ADAMTSL3: variants seen among roughly 807,000 people sequenced by gnomAD.
ADAMTSL3 encodes ADAMTS-like protein 3.
In ADAMTSL3, 128 loss-of-function variants were observed where a neutral mutation model predicts 201.7. The ratio of observed to expected loss-of-function variants is 0.63; its 90% CI spans 0.55 to 0.73. The LOEUF is 0.73. Among genes scored for constraint, ADAMTSL3 ranks in the 30% least tolerant of loss-of-function variants. The pLI is 0.00. For synonymous variants in ADAMTSL3, 738 were observed against 748.4 expected, an observed-to-expected ratio of 0.99 and a Z score of 0.23; for missense variants, 1,990 against 2,119.6, an observed-to-expected ratio of 0.94 and a Z score of 1.20.
At chr15:83,880,794 A>G (rs182866254) in intron 9 of ADAMTSL3, among the ~76,000 whole-genome samples, 1 of 152,358 alleles carries the variant, frequency 6.6e-6, no homozygotes, top group East Asian at 1.9e-4. Flanking sequence ...CCTGCGGGGA[A>G]ACAAGACTGA....
At chr15:83,724,746 A>T (rs2062149060) in intron 3 of ADAMTSL3, among the ~76,000 whole-genome samples, 2 of 152,100 alleles carry the variant, frequency 1.3e-5, no homozygotes, top group African/African-American at 2.4e-5. Flanking sequence ...GTGTATCCCC[A>T]TGAGTTCAAA....
At chr15:83,854,532 C>T (rs2064690623) in intron 7 of ADAMTSL3, among the ~76,000 whole-genome samples, 1 of 152,202 alleles carries the variant, frequency 6.6e-6, no homozygotes, top group Non-Finnish European at 1.5e-5. Flanking sequence ...GTGAACTACA[C>T]ATACTGTGTT....
chr15:83,834,798 A>G (rs576403422), intron 6 of ADAMTSL3, among the ~76,000 whole-genome samples: 215 of 152,366 alleles, frequency 1.4e-3, no homozygotes, highest in South Asian at 7.7e-3. Context: ...GTCTGGCAGT[A>G]TAGAAAATGG....
At chr15:83,952,785 G>A (rs1474775647) in intron 19 of ADAMTSL3, among the ~76,000 whole-genome samples, 3 of 144,638 alleles carry the variant, frequency 2.1e-5, no homozygotes, top group South Asian at 4.4e-4. Flanking sequence ...CAGCCTGGGC[G>A]ACAGAGTAAG....
chr15:84,026,836 G>A (rs922170490), intron 27 of ADAMTSL3, among the ~76,000 whole-genome samples: 6 of 152,054 alleles, frequency 3.9e-5, no homozygotes, highest in Non-Finnish European at 7.4e-5. Flanking sequence ...AAAAAATATA[G>A]GTGTAAATTT....
At chr15:83,851,948 G>T (rs1053330970) in intron 7 of ADAMTSL3, among the ~76,000 whole-genome samples, 8 of 152,088 alleles carry the variant, frequency 5.3e-5, no homozygotes, top group Non-Finnish European at 8.8e-5. Context: ...CAGGATGAAT[G>T]GTTGCTTCTA....
At position 83,999,113 on chromosome 15, in the gene ADAMTSL3, C is replaced by A. The variant is rs78610610; in HGVS notation, c.3973+7899C>A. On this transcript the variant is annotated intron_variant, in intron 23 of 29. Transcript: ENST00000286744. Reference sequence around the variant, plus strand: ...AATTCCCATAATCCTGTCAAAGACACAACCATTATTTCTATTTTGTTATAT... The same window carrying A: ...AATTCCCATAATCCTGTCAAAGACAAAACCATTATTTCTATTTTGTTATAT... Among the ~76,000 whole-genome samples the A allele has an allele frequency of 8.2e-3, 1,246 of 152,314 alleles. 14 individuals carry two copies. The highest frequency in any genetic ancestry group is 0.028 in the African/African-American group (1,170 of 41,564).
intron 4 of ADAMTSL3, among the ~76,000 whole-genome samples, chr15:83,794,514 A>T (rs191567702): frequency 6.6e-6 from 1 of 152,346 alleles, no homozygotes; most frequent in East Asian, 1.9e-4. Context: ...AACAATCTGG[A>T]TGAATCTCCA....
intron 20 of ADAMTSL3, among the ~76,000 whole-genome samples, chr15:83,976,582 C>T (rs1057315404): frequency 5.9e-5 from 9 of 151,550 alleles, no homozygotes; most frequent in African/African-American, 9.7e-5. Context: ...TGGTCCCATC[C>T]GGGGTTGATG....
intron 15 of ADAMTSL3, among the ~76,000 whole-genome samples, chr15:83,905,046 T>A (rs1231634340): frequency 6.6e-6 from 1 of 152,224 alleles, no homozygotes; most frequent in Non-Finnish European, 1.5e-5. Flanking sequence ...GAGGAGGTGC[T>A]ATTCTTATTT....
chr15:84,012,259 T>A (rs1418423643), intron 23 of ADAMTSL3, among the ~76,000 whole-genome samples: 1 of 152,188 alleles, frequency 6.6e-6, no homozygotes, highest in Non-Finnish European at 1.5e-5. Context: ...AAGGCCAAGA[T>A]CAAGGTGGTG....
At position 84,021,590 on chromosome 15, in the gene ADAMTSL3, C is replaced by T. The variant is rs750268074; in HGVS notation, c.4454C>T (p.Ala1485Val). The T allele has an allele frequency of 1.1e-5, 17 of 1,613,130 alleles. No homozygotes were observed. Among genetic ancestry groups the T allele is most frequent in the Admixed American group, 3.3e-5 (2 of 59,808 alleles). ...FEPCNIRDCP[A>V]RWFTSVWSQC... ...CCCTGTAACATCCGGGACTGCCCAG[C>T]GAGGTAAGTGAAGTCACTCTTTGTA... The change falls in exon 26 of 30, where the codon GCG becomes GTG. Residue 1485 changes from alanine to valine, a missense_variant. Transcript: ENST00000286744.
intron 2 of ADAMTSL3, 51 bp from the exon 3 acceptor site, chr15:83,704,337 CA>C (rs2061818366): frequency 1.2e-6 from 2 of 1,612,636 alleles, no homozygotes; most frequent in Non-Finnish European, 1.7e-6. Context: ...CTTTACCTGT[CA>C]GGGGGTCCTT....
At chr15:83,993,090 AT>A (rs1382333711) in intron 23 of ADAMTSL3, among the ~76,000 whole-genome samples, 1 of 152,212 alleles carries the variant, frequency 6.6e-6, no homozygotes, top group Non-Finnish European at 1.5e-5. Flanking sequence ...GTTATTTGCC[AT>A]TTTAAACAAA....
intron 3 of ADAMTSL3, among the ~76,000 whole-genome samples, chr15:83,768,467 G>T (rs2062926308): frequency 6.6e-6 from 1 of 152,174 alleles, no homozygotes; most frequent in Admixed American, 6.5e-5. Context: ...TGTATAGTCT[G>T]TGTTCTTAGA....
At chr15:84,016,772 C>T (rs977101021) in intron 25 of ADAMTSL3, among the ~76,000 whole-genome samples, 1 of 152,102 alleles carries the variant, frequency 6.6e-6, no homozygotes, top group Non-Finnish European at 1.5e-5. Context: ...TATTGATTTC[C>T]AGTTTCAAAA....
At chr15:83,659,409 A>G (rs1441594416) in intron 2 of ADAMTSL3, among the ~76,000 whole-genome samples, 1 of 152,126 alleles carries the variant, frequency 6.6e-6, no homozygotes, top group Non-Finnish European at 1.5e-5. Context: ...TATAGGACAG[A>G]ATTATTTAAC....
chr15:83,976,389 C>A (rs2067289050), intron 20 of ADAMTSL3, among the ~76,000 whole-genome samples: 1 of 152,124 alleles, frequency 6.6e-6, no homozygotes, highest in Non-Finnish European at 1.5e-5. Context: ...GGACCAGTTT[C>A]ATGGAAGACA....
intron 4 of ADAMTSL3, among the ~76,000 whole-genome samples, chr15:83,777,961 A>G (rs2063106995): frequency 2.0e-5 from 3 of 152,220 alleles, no homozygotes; most frequent in Admixed American, 2.0e-4. Context: ...CCATACAAGA[A>G]TTTCGTAATG....
Sources: allele counts gnomAD v4.1 joint callset (sites outside exome capture counted in the v4.1 genomes callset), GRCh38; gene constraint gnomAD v4.1.1; transcripts MANE v1.5; gene names NCBI Gene and HGNC (gene_info 2026-07-23, HGNC 2026-07-21).